NUP58: variants seen among roughly 807,000 people sequenced by gnomAD.
NUP58 encodes the protein nucleoporin p58/p45.
In NUP58, 17 loss-of-function variants were observed where a neutral mutation model predicts 70.1. The observed-to-expected ratio is 0.24, with a 90% confidence interval of 0.17 to 0.36. The LOEUF is 0.36. Among genes scored for constraint, NUP58 ranks in the 10% least tolerant of loss-of-function variants. NUP58 has a pLI of 1.00. For synonymous variants in NUP58, 275 were observed against 257.6 expected (o/e 1.07, Z -0.65); for missense variants, 644 against 701.5 (o/e 0.92, Z 0.93).
chr13:25,308,660 A>G (rs928489368), intron 2 of NUP58, among the ~76,000 whole-genome samples: 4 of 152,078 alleles, frequency 2.6e-5, no homozygotes, highest in Admixed American at 2.0e-4. Context: ...TTATTAAAAC[A>G]AAGTGGGAAA....
intron 3 of NUP58, among the ~76,000 whole-genome samples, chr13:25,348,510 A>G (rs1282322524): frequency 6.6e-6 from 1 of 152,144 alleles, no homozygotes; most frequent in Non-Finnish European, 1.5e-5. Flanking sequence ...CTCCTGGGAT[A>G]AGTAATCTTT....
chr13:25,321,758 A>G (rs999529955), intron 9 of NUP58, among the ~76,000 whole-genome samples: 4 of 152,242 alleles, frequency 2.6e-5, no homozygotes, highest in East Asian at 1.9e-4. Flanking sequence ...CTCTACTAAA[A>G]ATACAATAAT....
intron 13 of NUP58, chr13:25,332,348 G>C: frequency 1.0e-6 from 1 of 985,294 alleles, no homozygotes; most frequent in Non-Finnish European, 1.2e-6. Flanking sequence ...TGTGTCTTTC[G>C]GAGGTTAATA....
downstream of NUP58, among the ~76,000 whole-genome samples, chr13:25,344,227 T>C (rs1321278432): frequency 6.6e-6 from 1 of 152,168 alleles, no homozygotes; most frequent in Non-Finnish European, 1.5e-5. Context: ...AGATAATAGG[T>C]ATTAATATTT....
intron 13 of NUP58, chr13:25,335,375 T>A: frequency 1.0e-6 from 1 of 985,344 alleles, no homozygotes; most frequent in Non-Finnish European, 1.2e-6. Flanking sequence ...TTCTTTAGGG[T>A]CTTCCACCAG....
At chr13:25,312,368 C>T (rs1017328244) in intron 3 of NUP58, among the ~76,000 whole-genome samples, 3 of 152,062 alleles carry the variant, frequency 2.0e-5, no homozygotes, top group Non-Finnish European at 4.4e-5. Context: ...ATTTTCTTTT[C>T]TGTTTTTTTA....
At chr13:25,331,925 T>G in intron 13 of NUP58, 4 of 1,062,694 alleles carry the variant, frequency 3.8e-6, no homozygotes, top group Non-Finnish European at 4.6e-6. Context: ...ATCCATCCAT[T>G]CTTTGAATTT....
At chr13:25,343,521 C>T (rs908959824), downstream of NUP58, among the ~76,000 whole-genome samples, 18 of 149,864 alleles carry the variant, frequency 1.2e-4, 1 homozygote, top group African/African-American at 3.4e-4. Flanking sequence ...GATGCCATCT[C>T]GGCTCACTGC....
chr13:25,337,069 A>G (rs1277722192), intron 14 of NUP58, 35 bp downstream of exon 14: 8 of 1,443,622 alleles, frequency 5.5e-6, no homozygotes, highest in East Asian at 2.3e-5. Context: ...TCATTGAACT[A>G]TTATATATTT....
chr13:25,327,419 T>C lies in NUP58; in HGVS notation c.1151-11T>C. 1.3e-6 allele frequency: 2 copies of C among 1,566,932 alleles called. No individual in the cohort carries two copies. Among genetic ancestry groups the C allele is most frequent in the South Asian group, 2.3e-5 (2 of 88,412 alleles). On this transcript the variant is annotated splice_polypyrimidine_tract_variant and intron_variant, in intron 11 of 15. Coordinates refer to ENST00000381736, the MANE Select transcript of NUP58 (RefSeq NM_014089.4). ...TATATATTTGGGTGATAATGTAATT[T>C]TCTTTTATAGATTTGTCAATGGCTA...
chr13:25,315,226 C>A (rs1311707838), intron 5 of NUP58, 131 bp from the exon 6 acceptor site: 1 of 704,796 alleles, frequency 1.4e-6, no homozygotes, highest in Non-Finnish European at 2.5e-6. Context: ...AGGCTTGTTT[C>A]TTGTTGTTTG....
At chr13:25,339,281 C>T (rs1004897333) in intron 15 of NUP58, among the ~76,000 whole-genome samples, 3 of 151,940 alleles carry the variant, frequency 2.0e-5, no homozygotes, top group Non-Finnish European at 4.4e-5. Context: ...ATGTGCAGTG[C>T]TTAGGGACAA....
At chr13:25,342,905 A>C (rs2031994213), downstream of NUP58, among the ~76,000 whole-genome samples, 1 of 152,036 alleles carries the variant, frequency 6.6e-6, no homozygotes, top group Admixed American at 6.5e-5. Flanking sequence ...TTAGTATATC[A>C]TCAGCATCTT....
At chr13:25,332,211 A>G (rs934220013) in intron 13 of NUP58, 1 of 985,668 alleles carries the variant, frequency 1.0e-6, no homozygotes, top group Non-Finnish European at 1.2e-6. Flanking sequence ...TTAAGGAGCA[A>G]CTGGGAAGTT....
chr13:25,318,156 C>T (rs936050722), intron 6 of NUP58, among the ~76,000 whole-genome samples: 7 of 151,962 alleles, frequency 4.6e-5, no homozygotes, highest in African/African-American at 1.7e-4. Context: ...GGTAAAACCC[C>T]GTCTCTACTA....
chr13:25,331,240 T>C, intron 12 of NUP58, 117 bp from the exon 13 acceptor site: 1 of 939,416 alleles, frequency 1.1e-6, no homozygotes, highest in Non-Finnish European at 1.6e-6. Context: ...AATTTGCAGT[T>C]TGGATTGAAT....
intron 13 of NUP58, chr13:25,334,079 A>G (rs1262071744): frequency 2.2e-5 from 22 of 985,250 alleles, no homozygotes; most frequent in Non-Finnish European, 2.7e-5. Flanking sequence ...GGGCTTAGGC[A>G]TGTGTGATTT....
In NUP58 at chr13:25,342,286, GT is replaced by G; in HGVS notation, c.*2154del. ...CTTTATATGTTTTGCATTTTAATAT[GT>G]TGAGCCACTGGAAATTTGTAACAGA... On this transcript the variant is annotated 3_prime_UTR_variant, in exon 16 of 16. Transcript: ENST00000381736. 6.6e-6 allele frequency: 1 copy of G among 152,574 alleles called. No homozygotes were observed. 9.5% of individuals were successfully genotyped at this position (152,574 alleles called of 1,614,324 possible). A position where few individuals can be genotyped will look rare whatever the true frequency, so the allele number is the denominator to read the frequency against.
chr13:25,328,678 A>T (rs1387162545), intron 12 of NUP58, among the ~76,000 whole-genome samples: 3 of 152,126 alleles, frequency 2.0e-5, no homozygotes, highest in African/African-American at 4.8e-5. Flanking sequence ...ATTTATGGGC[A>T]TGAGCCACTG....
Sources: allele counts gnomAD v4.1 joint callset (sites outside exome capture counted in the v4.1 genomes callset), GRCh38; gene constraint gnomAD v4.1.1; transcripts MANE v1.5; gene names NCBI Gene and HGNC (gene_info 2026-07-23, HGNC 2026-07-21).